POLR1D: variants seen among roughly 807,000 people sequenced by gnomAD.
POLR1D encodes RNA polymerase I and III subunit D.
A neutral mutation model predicts 10.8 loss-of-function variants in POLR1D; 8 were observed. That is an observed-to-expected ratio of 0.74 (90% CI 0.43 to 1.33). The LOEUF is 1.33. POLR1D is among the 40% of genes most tolerant of loss of function. The probability of loss-of-function intolerance (pLI) is 0.01; values close to 1 mark genes in which losing one functional copy is unlikely to be tolerated. For missense variants in POLR1D, 152 were observed against 161.7 expected, an observed-to-expected ratio of 0.94 and a Z score of 0.32; for synonymous variants, 54 against 57.2, an observed-to-expected ratio of 0.94 and a Z score of 0.25.
upstream of POLR1D, chr13:27,621,836 G>A: frequency 1.3e-6 from 1 of 796,036 alleles, no homozygotes; most frequent in Non-Finnish European, 2.1e-6. Flanking sequence ...GGGCCCTGCC[G>A]CGCCGCTGCG....
At chr13:27,656,366 A>G (rs926702405) in intron 2 of POLR1D, among the ~76,000 whole-genome samples, 1 of 152,198 alleles carries the variant, frequency 6.6e-6, no homozygotes, top group Admixed American at 6.5e-5. Flanking sequence ...GTGTATGTGT[A>G]TGTGTATATA....
At chr13:27,659,519 C>G (rs1477389061) in intron 2 of POLR1D, among the ~76,000 whole-genome samples, 1 of 152,178 alleles carries the variant, frequency 6.6e-6, no homozygotes, top group African/African-American at 2.4e-5. Context: ...CTTTGCTTTC[C>G]TATCTGTCAC....
rs1490747173 is a variant in POLR1D, at chr13:27,623,234, A to G, written c.386A>G (p.Asn129Ser). 8 of 1,613,900 alleles carry G rather than the reference A, an allele frequency of 5.0e-6. No homozygotes were observed. The highest frequency in any genetic ancestry group is 1.7e-5 in the Admixed American group (1 of 60,010). The change falls in exon 2 of 2, where the codon AAT (asparagine) becomes AGT (serine). Residue 129 changes from asparagine to serine, a missense_variant. Physicochemically the swap from Asn to Ser is conservative, Grantham distance 46 (BLOSUM62 1). Coordinates refer to ENST00000302979, the MANE Select transcript of POLR1D (RefSeq NM_015972.4). ...KDYKDQKASR[N>S]ESTF ...TATAAGGATCAAAAAGCAAGCAGAA[A>G]TGAATCCACATTCTAGTCCTTTATG...
At chr13:27,635,050 A>G (rs1390645727) in intron 1 of POLR1D, among the ~76,000 whole-genome samples, 5 of 152,170 alleles carry the variant, frequency 3.3e-5, no homozygotes, top group African/African-American at 2.4e-5. Context: ...TTGCCAGAGC[A>G]TATCCTCCAA....
chr13:27,652,728 G>A (rs1026605027), intron 2 of POLR1D, among the ~76,000 whole-genome samples: 3 of 151,886 alleles, frequency 2.0e-5, no homozygotes, highest in Non-Finnish European at 4.4e-5. Flanking sequence ...AAATTAGCCA[G>A]ATGTGCTGGC....
intron 2 of POLR1D, among the ~76,000 whole-genome samples, chr13:27,652,816 G>A (rs563048041): frequency 5.0e-4 from 72 of 143,714 alleles, no homozygotes; most frequent in Non-Finnish European, 8.4e-4. Flanking sequence ...ACAGTAAGCC[G>A]AGATCACACC....
intron 2 of POLR1D, among the ~76,000 whole-genome samples, chr13:27,657,626 TTTTG>T (rs550975893): frequency 1.1e-4 from 16 of 152,284 alleles, no homozygotes; most frequent in African/African-American, 2.2e-4. Context: ...CCTACAGGTT[TTTTG>T]TTTGTTTGTT....
chr13:27,658,969 G>A (rs867212445), intron 2 of POLR1D, among the ~76,000 whole-genome samples: 1 of 152,118 alleles, frequency 6.6e-6, no homozygotes, highest in Admixed American at 6.5e-5. Flanking sequence ...AATCCTAAAG[G>A]TTGAATTGAG....
chr13:27,636,397 C>A (rs553439928), intron 1 of POLR1D, among the ~76,000 whole-genome samples: 10 of 152,082 alleles, frequency 6.6e-5, no homozygotes, highest in Admixed American at 6.6e-4. Context: ...ATTTGAGAAA[C>A]TTTTCCCTTA....
chr13:27,659,954 A>G (rs1385941220), intron 2 of POLR1D, among the ~76,000 whole-genome samples: 1 of 152,076 alleles, frequency 6.6e-6, no homozygotes, highest in African/African-American at 2.4e-5. Context: ...ACACATACAT[A>G]TACAGACAAA....
rs1187171644 is a variant in POLR1D, at chr13:27,621,952, C to T, written c.-32C>T. ...TGGGACAGAGCCCCCGATCCGCCAG[C>T]ACCACCTGAGGATCCAGAAACCGCC... On this transcript the variant is annotated 5_prime_UTR_variant, in exon 1 of 2. Coordinates refer to ENST00000302979, the MANE Select transcript of POLR1D (RefSeq NM_015972.4). 6.3e-7 allele frequency: 1 copy of T among 1,584,086 alleles called. No individual in the cohort carries two copies.
At chr13:27,621,768 G>C (rs528812810), upstream of POLR1D, 1 of 391,220 alleles carries the variant, frequency 2.6e-6, no homozygotes, top group Admixed American at 4.7e-5. Flanking sequence ...GCGAGCCACC[G>C]CTCACCCCGC....
chr13:27,638,702 G>C (rs1168369977), intron 1 of POLR1D, among the ~76,000 whole-genome samples: 5 of 152,152 alleles, frequency 3.3e-5, no homozygotes, highest in Non-Finnish European at 5.9e-5. Context: ...CTGCTGAATA[G>C]GCCATCCTCG....
rs150853503 is a variant in POLR1D, at chr13:27,658,316, G to A, written c.102-7370G>A. Among the ~76,000 whole-genome samples, 949 of 152,274 alleles carry A rather than the reference G, an allele frequency of 6.2e-3. 3 individuals are homozygous for A. Among genetic ancestry groups the A allele is most frequent in the Middle Eastern group, 0.014 (4 of 292 alleles). On this transcript the variant is annotated intron_variant, in intron 2 of 2. Transcript: ENST00000399697. ...AGAATCCAGAACAATCCTACACCTC[G>A]GCCAGAGGCAGACAGCTCCTCTGCA... is the stretch of plus-strand genomic sequence containing the variant.
At chr13:27,635,696 C>A (rs978874070) in intron 1 of POLR1D, among the ~76,000 whole-genome samples, 2 of 140,568 alleles carry the variant, frequency 1.4e-5, no homozygotes, top group African/African-American at 2.6e-5. Flanking sequence ...TACAAAGTAA[C>A]TATATATATA....
rs375781478 is a variant in POLR1D, at chr13:27,657,944, A to G, written c.102-7742A>G. ...TGAAAGGAGGTCTGGACCCATGACA[A>G]CCGTGGCTTGCTTCTACTCACTAGT... On this transcript the variant is annotated intron_variant, in intron 2 of 2. Transcript: ENST00000399697. Among the ~76,000 whole-genome samples, 13 of 152,306 alleles carry G rather than the reference A, an allele frequency of 8.5e-5. 1 individual carries two copies. Among genetic ancestry groups the G allele is most frequent in the South Asian group, 4.1e-4 (2 of 4,830 alleles).
intron 1 of POLR1D, among the ~76,000 whole-genome samples, chr13:27,637,992 C>T (rs764627007): frequency 1.1e-4 from 16 of 151,910 alleles, no homozygotes; most frequent in Non-Finnish European, 1.8e-4. Flanking sequence ...ATATTGTCTA[C>T]GTATATATGT....
chr13:27,621,208 C>G (rs994363804), upstream of POLR1D: 1 of 152,776 alleles, frequency 6.5e-6, no homozygotes, highest in Non-Finnish European at 1.5e-5. Flanking sequence ...AGGAAGTCTA[C>G]AGCCGGAGAG....
downstream of POLR1D, among the ~76,000 whole-genome samples, chr13:27,628,337 G>T (rs1260256193): frequency 2.0e-5 from 3 of 152,214 alleles, no homozygotes; most frequent in African/African-American, 7.2e-5. Flanking sequence ...CCAGGATACG[G>T]CAGTGAACAA....
Sources: gnomAD v4.1 joint callset for allele counts (sites outside exome capture counted in the v4.1 genomes callset) on GRCh38, gnomAD v4.1.1 for gene constraint, MANE v1.5 for transcripts, NCBI Gene and HGNC (gene_info 2026-07-23, HGNC 2026-07-21) for gene names.